SDK1: variants seen among roughly 807,000 people sequenced by gnomAD.
SDK1 encodes protein sidekick-1.
In SDK1, 157 loss-of-function variants were observed where a neutral mutation model predicts 245.5. That is an observed-to-expected ratio of 0.64 (90% CI 0.56 to 0.73). SDK1 has a LOEUF of 0.73. Ranked by LOEUF, SDK1 falls within the 30% of genes least tolerant of loss-of-function variation. The pLI is 0.00. For missense variants in SDK1, 3,583 were observed against 3,002.3 expected (o/e 1.19, Z -4.52); for synonymous variants, 1,647 against 1,278.5 (o/e 1.29, Z -6.15).
intron 21 of SDK1, 68 bp from the exon 22 acceptor site, chr7:4,079,395 C>T (rs1386640188): frequency 3.3e-5 from 51 of 1,564,662 alleles, no homozygotes; most frequent in East Asian, 3.2e-4. Flanking sequence ...GAAGCTGACA[C>T]GTTTGATACC....
intron 38 of SDK1, among the ~76,000 whole-genome samples, chr7:4,218,018 C>A (rs1784929239): frequency 6.6e-6 from 1 of 152,286 alleles, no homozygotes; most frequent in Admixed American, 6.5e-5. Flanking sequence ...AAACTGCCAT[C>A]CTCATCACCT....
chr7:3,838,287 TG>T (rs1178848650), intron 5 of SDK1, among the ~76,000 whole-genome samples: 16 of 152,166 alleles, frequency 1.1e-4, no homozygotes, highest in African/African-American at 3.9e-4. Flanking sequence ...GTCATCTAGA[TG>T]GGTGACTAAA....
At chr7:3,651,421 A>G (rs1262078546) in intron 4 of SDK1, among the ~76,000 whole-genome samples, 2 of 152,230 alleles carry the variant, frequency 1.3e-5, no homozygotes, top group Admixed American at 1.3e-4. Flanking sequence ...GTGTTCATTT[A>G]TTTGAAAAGT....
intron 4 of SDK1, among the ~76,000 whole-genome samples, chr7:3,679,550 G>T (rs896638970): frequency 6.6e-6 from 1 of 151,988 alleles, no homozygotes; most frequent in East Asian, 1.9e-4. Context: ...CTGGGCGACA[G>T]AGCGAGACTC....
intron 1 of SDK1, among the ~76,000 whole-genome samples, chr7:3,595,996 G>A (rs901297921): frequency 6.1e-5 from 9 of 148,144 alleles, no homozygotes; most frequent in South Asian, 4.2e-4. Flanking sequence ...TGATGCGGTC[G>A]TTGTGAGAAC....
In SDK1 at chr7:3,775,920, G is replaced by C. The variant is rs12333847; in HGVS notation, c.714-45530G>C. Among the ~76,000 whole-genome samples the C allele has an allele frequency of 5.6e-3, 854 of 152,314 alleles. 8 individuals carry two copies. Among genetic ancestry groups the C allele is most frequent in the African/African-American group, 0.02 (817 of 41,558 alleles). On this transcript the variant is annotated intron_variant, in intron 4 of 44. Coordinates refer to ENST00000404826, the MANE Select transcript of SDK1 (RefSeq NM_152744.4). ...AAAATTATTTGATAAAGTCTTGACT[G>C]TCTTTCCCACAGTTGTTTGTGACCA...
At chr7:4,144,081 G>C in intron 28 of SDK1, among the ~76,000 whole-genome samples, 1 of 151,754 alleles carries the variant, frequency 6.6e-6, no homozygotes, top group Admixed American at 6.6e-5. Flanking sequence ...GAGGCCTGTG[G>C]GAAGAGCTGG....
At chr7:3,630,541 C>T (rs1458922731) in intron 2 of SDK1, among the ~76,000 whole-genome samples, 4 of 152,236 alleles carry the variant, frequency 2.6e-5, no homozygotes, top group Non-Finnish European at 2.9e-5. Context: ...GAGGTTGAGG[C>T]AGGAGAATCC....
chr7:3,697,426 A>G (rs1222351736), intron 4 of SDK1, among the ~76,000 whole-genome samples: 4 of 152,206 alleles, frequency 2.6e-5, no homozygotes, highest in Non-Finnish European at 5.9e-5. Flanking sequence ...ACGTTTAGCT[A>G]GTAATATGGG....
At chr7:3,626,856 C>T (rs2128646734) in intron 2 of SDK1, among the ~76,000 whole-genome samples, 1 of 152,054 alleles carries the variant, frequency 6.6e-6, no homozygotes, top group East Asian at 1.9e-4. Flanking sequence ...TCCAAAAGAG[C>T]CTAAAGTTGG....
At chr7:3,328,734 C>A (rs1375153339) in intron 1 of SDK1, among the ~76,000 whole-genome samples, 1 of 151,994 alleles carries the variant, frequency 6.6e-6, no homozygotes, top group Non-Finnish European at 1.5e-5. Context: ...CCTTAGAAAT[C>A]TTTCCATGAC....
At chr7:3,449,033 A>T (rs1016802672) in intron 1 of SDK1, among the ~76,000 whole-genome samples, 1 of 152,226 alleles carries the variant, frequency 6.6e-6, no homozygotes, top group Admixed American at 6.5e-5. Flanking sequence ...TGTAAAAGCA[A>T]TAACATGTAA....
chr7:3,728,755 G>A (rs1357944165), intron 4 of SDK1, among the ~76,000 whole-genome samples: 2 of 152,090 alleles, frequency 1.3e-5, no homozygotes, highest in Non-Finnish European at 2.9e-5. Context: ...ACAGGCATGT[G>A]CCACCATGCC....
chr7:4,214,819 T>C (rs1486788741), intron 38 of SDK1, among the ~76,000 whole-genome samples: 1 of 152,168 alleles, frequency 6.6e-6, no homozygotes, highest in Non-Finnish European at 1.5e-5. Context: ...CACCTGGCTC[T>C]GACTAAGCCA....
At chr7:3,556,412 G>C (rs1052716729) in intron 1 of SDK1, among the ~76,000 whole-genome samples, 1 of 152,134 alleles carries the variant, frequency 6.6e-6, no homozygotes, top group East Asian at 1.9e-4. Context: ...GAAAAGGTTG[G>C]TGGGGGTGCA....
chr7:4,235,925 G>A (rs1267267703), intron 41 of SDK1, among the ~76,000 whole-genome samples: 1 of 152,252 alleles, frequency 6.6e-6, no homozygotes, highest in Non-Finnish European at 1.5e-5. Flanking sequence ...AGGTGCTGGG[G>A]TCAGGCCCAC....
chr7:3,542,288 A>C (rs1282178298), intron 1 of SDK1, among the ~76,000 whole-genome samples: 1 of 152,182 alleles, frequency 6.6e-6, no homozygotes, highest in African/African-American at 2.4e-5. Context: ...TACATATTAG[A>C]ACTTAGGGCA....
chr7:4,015,657 T>G (rs1786334209), intron 16 of SDK1, among the ~76,000 whole-genome samples: 1 of 152,160 alleles, frequency 6.6e-6, no homozygotes, highest in Non-Finnish European at 1.5e-5. Flanking sequence ...GAGTCAGTGA[T>G]GGACACACTA....
At chr7:3,545,462 T>C (rs949607521) in intron 1 of SDK1, among the ~76,000 whole-genome samples, 1 of 152,244 alleles carries the variant, frequency 6.6e-6, no homozygotes, top group Non-Finnish European at 1.5e-5. Context: ...CTGTCCCCTG[T>C]AGAAGTCTCA....
Sources: allele counts gnomAD v4.1 joint callset (sites outside exome capture counted in the v4.1 genomes callset), GRCh38; gene constraint gnomAD v4.1.1; transcripts MANE v1.5; gene names NCBI Gene and HGNC (gene_info 2026-07-23, HGNC 2026-07-21).